The following NEGR1 variants were observed in gnomAD, a reference collection of about 807,000 sequenced individuals.
NEGR1 encodes the protein neuronal growth regulator 1, also known as IgLON family member 4.
Under a neutral mutation model 40.9 loss-of-function variants are expected in NEGR1, and 10 were observed. That is an observed-to-expected ratio of 0.24 (90% CI 0.15 to 0.42). The LOEUF (loss-of-function observed/expected upper bound fraction) is 0.42, where lower values mean the gene tolerates loss of function less well. Ranked by LOEUF, NEGR1 falls within the 10% of genes least tolerant of loss-of-function variation. The pLI, the probability that NEGR1 is intolerant of heterozygous loss-of-function variation, is 1.00. For missense variants in NEGR1, 352 were observed against 438.9 expected, an observed-to-expected ratio of 0.80 and a Z score of 1.77; for synonymous variants, 185 against 166.8, an observed-to-expected ratio of 1.11 and a Z score of -0.84.
chr1:71,565,590 C>T (rs564657491), intron 6 of NEGR1, among the ~76,000 whole-genome samples: 1 of 152,246 alleles, frequency 6.6e-6, no homozygotes, highest in Admixed American at 6.6e-5. Context: ...AGACAAAAAC[C>T]TGCAGAGAGT....
At chr1:72,045,210 A>C (rs930280884) in intron 1 of NEGR1, among the ~76,000 whole-genome samples, 1 of 151,860 alleles carries the variant, frequency 6.6e-6, no homozygotes, top group African/African-American at 2.4e-5. Flanking sequence ...TGAAAGTAAA[A>C]TATTCTAATG....
intron 6 of NEGR1, chr1:71,573,467 A>C (rs1648869429): frequency 6.6e-6 from 1 of 152,262 alleles, no homozygotes; most frequent in South Asian, 2.1e-4. Flanking sequence ...GTTCTTTACA[A>C]GTCTAACTAC....
intron 1 of NEGR1, among the ~76,000 whole-genome samples, chr1:72,249,132 G>A (rs1655002749): frequency 6.6e-6 from 1 of 152,100 alleles, no homozygotes; most frequent in African/African-American, 2.4e-5. Context: ...CCTCATGAAT[G>A]ACATCAGTGC....
intron 2 of NEGR1, among the ~76,000 whole-genome samples, chr1:71,909,016 G>T (rs1661354588): frequency 1.3e-5 from 2 of 152,084 alleles, no homozygotes; most frequent in African/African-American, 4.8e-5. Flanking sequence ...AACCACTCAG[G>T]TTTTTAAACA....
At chr1:71,466,308 G>C (rs192210107) in intron 6 of NEGR1, among the ~76,000 whole-genome samples, 66 of 152,126 alleles carry the variant, frequency 4.3e-4, no homozygotes, top group African/African-American at 1.5e-3. Flanking sequence ...AATGTGTTTA[G>C]TATATTTCAT....
rs150055653 is a variant in NEGR1, at chr1:71,606,192, T to C, written c.788+4834A>G. Among the ~76,000 whole-genome samples the C allele has an allele frequency of 1.8e-3, 280 of 152,354 alleles. 1 individual carries two copies. The highest frequency in any genetic ancestry group is 4.3e-3 in the South Asian group (21 of 4,832). On this transcript the variant is annotated intron_variant, in intron 5 of 6. Transcript: ENST00000357731. The stretch of plus-strand genomic sequence containing the variant: ...CTGAAACTAGGTTATAAAGGACATG[T>C]CAGCTTCTATCTAGCTCTCTCCTGG...
At chr1:71,667,869 C>A (rs1303781446) in intron 4 of NEGR1, among the ~76,000 whole-genome samples, 2 of 152,126 alleles carry the variant, frequency 1.3e-5, no homozygotes, top group Admixed American at 6.6e-5. Flanking sequence ...AAGAATTAAT[C>A]TTTGCTCAGA....
At chr1:71,845,154 T>C (rs1570423883) in intron 2 of NEGR1, among the ~76,000 whole-genome samples, 1 of 152,262 alleles carries the variant, frequency 6.6e-6, no homozygotes, top group East Asian at 1.9e-4. Flanking sequence ...CAAGGAAACA[T>C]TTCCTGTGTT....
chr1:72,218,099 A>G (rs979627761), intron 1 of NEGR1, among the ~76,000 whole-genome samples: 19 of 151,810 alleles, frequency 1.3e-4, no homozygotes, highest in African/African-American at 4.1e-4. Context: ...GTTTCCTTTA[A>G]AATTTTTCTT....
chr1:71,447,488 C>T (rs192460315), intron 6 of NEGR1, among the ~76,000 whole-genome samples: 1 of 152,288 alleles, frequency 6.6e-6, no homozygotes, highest in Admixed American at 6.5e-5. Flanking sequence ...GCAATTACTT[C>T]GCTTTATTTG....
At chr1:71,584,435 C>G (rs1277317785) in intron 6 of NEGR1, among the ~76,000 whole-genome samples, 1 of 152,160 alleles carries the variant, frequency 6.6e-6, no homozygotes, top group East Asian at 1.9e-4. Flanking sequence ...CTATGTTTCA[C>G]TCTGACTAAA....
At chr1:71,833,216 C>T (rs1658899455) in intron 2 of NEGR1, among the ~76,000 whole-genome samples, 1 of 151,998 alleles carries the variant, frequency 6.6e-6, no homozygotes, top group African/African-American at 2.4e-5. Flanking sequence ...AAGTCAAATG[C>T]ATTATGAACA....
chr1:71,791,642 A>G (rs774066037), intron 2 of NEGR1, among the ~76,000 whole-genome samples: 20 of 152,134 alleles, frequency 1.3e-4, no homozygotes, highest in African/African-American at 4.8e-4. Context: ...ATGAAGAGGA[A>G]TCAAAGGCAT....
intron 1 of NEGR1, among the ~76,000 whole-genome samples, chr1:71,957,020 T>C (rs1394601029): frequency 2.6e-5 from 4 of 152,288 alleles, no homozygotes; most frequent in East Asian, 3.9e-4. Flanking sequence ...ATCGCAGGAA[T>C]ACTCAGACCA....
At chr1:72,091,059 G>A (rs974434193) in intron 1 of NEGR1, among the ~76,000 whole-genome samples, 1 of 152,014 alleles carries the variant, frequency 6.6e-6, no homozygotes, top group African/African-American at 2.4e-5. Context: ...AAATTTATTA[G>A]ACAATTCCAC....
In NEGR1 at chr1:71,737,743, GGCAAAGACAAAAAAGATA is replaced by G. The variant is rs1245582325; in HGVS notation, c.535+38411_535+38428del. Among the ~76,000 whole-genome samples the G allele has an allele frequency of 8.5e-5, 13 of 152,204 alleles. No individual in the cohort carries two copies. The South Asian group carries it at 1.5e-3, about 17-fold the overall frequency. On this transcript the variant is annotated intron_variant, in intron 3 of 6. Transcript: ENST00000357731. ...ATATTTTTCAGTCTTTGTTCTTACA[GGCAAAGACAAAAAAGATA>G]GCTAATTTCCTTACATTGCCGTTTT...
At chr1:71,834,992 G>GC (rs1315100311) in intron 2 of NEGR1, among the ~76,000 whole-genome samples, 14 of 151,698 alleles carry the variant, frequency 9.2e-5, no homozygotes, top group African/African-American at 3.1e-4. Context: ...GAACAGCTGG[G>GC]CAGTTCTGCC....
At chr1:71,697,283 A>G (rs1653508124) in intron 4 of NEGR1, among the ~76,000 whole-genome samples, 1 of 151,860 alleles carries the variant, frequency 6.6e-6, no homozygotes, top group Admixed American at 6.6e-5. Flanking sequence ...TTATTGGAAG[A>G]AGTTAAACAG....
intron 1 of NEGR1, among the ~76,000 whole-genome samples, chr1:72,111,594 C>T (rs1649373988): frequency 6.6e-6 from 1 of 151,646 alleles, no homozygotes; most frequent in South Asian, 2.1e-4. Context: ...CATGGATTCA[C>T]AAAGATATCA....
Sources: gnomAD v4.1 joint callset for allele counts (sites outside exome capture counted in the v4.1 genomes callset) on GRCh38, gnomAD v4.1.1 for gene constraint, MANE v1.5 for transcripts, NCBI Gene and HGNC (gene_info 2026-07-23, HGNC 2026-07-21) for gene names.